Variants in FAN1 observed in about 807,000 individuals in gnomAD.
FAN1 encodes fanconi-associated nuclease 1.
In FAN1, 91 loss-of-function variants were observed where a neutral mutation model predicts 104.9. The observed-to-expected ratio is 0.87, with a 90% CI of 0.73 to 1.03. The LOEUF (loss-of-function observed/expected upper bound fraction) is 1.03, where lower values mean the gene tolerates loss of function less well. FAN1 is among the 50% of genes least tolerant of loss of function. The pLI is 0.00. For missense variants in FAN1, 1,263 were observed against 1,239.9 expected (o/e 1.02, Z -0.28); for synonymous variants, 478 against 457.6 (o/e 1.04, Z -0.57).
In FAN1 at chr15:30,922,358, C is replaced by G; in HGVS notation, c.2172+4C>G. 1 of 1,595,762 alleles carries G rather than the reference C, an allele frequency of 6.3e-7. No individual in the cohort carries two copies. Among genetic ancestry groups the G allele is most frequent in the Non-Finnish European group, 8.5e-7 (1 of 1,175,646 alleles). ...GCACTTGAAGCGCCTGGAACCGGTA[C>G]TCAGTAACAAAACATATCTGAAACA... On this transcript the variant is annotated splice_donor_region_variant and intron_variant, in intron 8 of 14. Transcript: ENST00000362065.
At chr15:30,921,063 C>T (rs923643257) in intron 7 of FAN1, among the ~76,000 whole-genome samples, 4 of 152,190 alleles carry the variant, frequency 2.6e-5, no homozygotes, top group Non-Finnish European at 4.4e-5. Flanking sequence ...CAGTGGGGGC[C>T]TAAAGTGTTG....
intron 4 of FAN1, among the ~76,000 whole-genome samples, chr15:30,912,154 C>T (rs1392849069): frequency 6.6e-6 from 1 of 151,814 alleles, no homozygotes; most frequent in Non-Finnish European, 1.5e-5. Flanking sequence ...TTATCTCTAA[C>T]TTTGGACTTG....
intron 9 of FAN1, 92 bp downstream of exon 9, chr15:30,925,383 GTT>G: frequency 8.1e-7 from 1 of 1,231,412 alleles, no homozygotes; most frequent in Non-Finnish European, 1.1e-6. Flanking sequence ...TTGAGTGTGT[GTT>G]TTCTTTTAGA....
At chr15:30,938,368 C>T (rs1450396681) in intron 14 of FAN1, among the ~76,000 whole-genome samples, 1 of 152,120 alleles carries the variant, frequency 6.6e-6, no homozygotes, top group African/African-American at 2.4e-5. Context: ...GGAATCAAAA[C>T]ATTCTCATGA....
chr15:30,906,619 A>G, intron 2 of FAN1: 1 of 433,190 alleles, frequency 2.3e-6, no homozygotes, highest in Non-Finnish European at 4.7e-6. Context: ...ACTGTCGTTT[A>G]GTAAAATGCG....
chr15:30,922,912 G>A (rs541505302), intron 8 of FAN1, among the ~76,000 whole-genome samples: 1 of 152,378 alleles, frequency 6.6e-6, no homozygotes, highest in African/African-American at 2.4e-5. Context: ...GCACTTGGAA[G>A]CACAGGGATT....
At chr15:30,916,202 G>A (rs538882256) in intron 5 of FAN1, among the ~76,000 whole-genome samples, 9 of 152,030 alleles carry the variant, frequency 5.9e-5, no homozygotes, top group East Asian at 5.8e-4. Context: ...CTGGCTTTAC[G>A]CTTTTCTGGC....
Position 30,937,814 on chromosome 15 carries a change from C to CATCT in FAN1, c.*3+558_*3+561dup, listed in dbSNP as rs1414468720. Among the ~76,000 whole-genome samples, 3 of 152,002 alleles carry CATCT rather than the reference C, an allele frequency of 2.0e-5. No individual in the cohort carries two copies. The East Asian group carries it at 5.8e-4, about 29-fold the overall frequency. On this transcript the variant is annotated intron_variant, in intron 14 of 14. Transcript: ENST00000362065. ...TGTTGACCATTATTGGAGCTGGATG[C>CATCT]ATCTATATGATTAGATGTGCAAAAA...
rs1267049596 is a variant in FAN1 at position 30,928,201 on chromosome 15, G to A, written c.2489-352G>A. ...TTCTGTGCCAGCCCAGCCCTGCTAA[G>A]TCCCAGCCTTGGGAACCTGAGGAGG... On this transcript the variant is annotated intron_variant, in intron 10 of 14. Transcript: ENST00000362065. The A allele has an allele frequency of 2.9e-6, 3 of 1,032,068 alleles. No individual in the cohort carries two copies. In the African/African-American group the frequency reaches 5.2e-5, roughly 18 times the overall value. The allele number at this position is 1,032,068 out of a possible 1,614,324, so 63.9% of individuals were successfully genotyped here. A position where few individuals can be genotyped will look rare whatever the true frequency, so the allele number is the denominator to read the frequency against.
At position 30,942,364 on chromosome 15, in the gene FAN1, C is replaced by CACTA. The variant is rs2063084010; in HGVS notation, c.*803_*806dup. On this transcript the variant is annotated 3_prime_UTR_variant, in exon 15 of 15. Coordinates refer to ENST00000362065, the MANE Select transcript of FAN1 (RefSeq NM_014967.5). ...AAGTTCTAAGACGGGCTAGAAAAAACACTAGACCTGGCCGATTCTATCAAG... is the reference window on the plus strand; with the variant it reads ...AAGTTCTAAGACGGGCTAGAAAAAACACTAACTAGACCTGGCCGATTCTATCAAG... 1 of 461,424 alleles carries CACTA rather than the reference C, an allele frequency of 2.2e-6. No individual in the cohort carries two copies. The highest frequency in any genetic ancestry group is 3.8e-5 in the East Asian group (1 of 26,176). 28.6% of individuals were successfully genotyped at this position (461,424 alleles called of 1,614,324 possible).
At chr15:30,917,578 G>T (rs149259306) in intron 5 of FAN1, among the ~76,000 whole-genome samples, 1 of 152,326 alleles carries the variant, frequency 6.6e-6, no homozygotes, top group East Asian at 1.9e-4. Context: ...TACTCAAAGT[G>T]TTAACAGAAT....
In FAN1 at chr15:30,905,675, G is replaced by A. The variant is rs1446583235; in HGVS notation, c.1012G>A (p.Glu338Lys). The A allele has an allele frequency of 6.2e-7, 1 of 1,614,122 alleles. No homozygotes were observed. Among genetic ancestry groups the A allele is most frequent in the Non-Finnish European group, 8.5e-7 (1 of 1,179,962 alleles). ...DDASAWSNIQ[E>K]APLQDDSCLN... is the part of the protein sequence containing the mutation. ...TGCTTCTGCATGGAGTAACATCCAA[G>A]AGGCTCCTCTGCAGGATGACAGTTG... Residue 338 changes from glutamate (E) to lysine (K), a missense_variant, in exon 2 of 15, where the codon GAG becomes AAG. Glu to Lys is a moderately conservative substitution (Grantham distance 56, BLOSUM62 1). Transcript: ENST00000362065.
intron 10 of FAN1, chr15:30,927,840 C>G (rs1210551329): frequency 1.0e-6 from 1 of 985,578 alleles, no homozygotes; most frequent in African/African-American, 1.7e-5. Flanking sequence ...CCAAGGCTGA[C>G]CCCCTCATCC....
intron 14 of FAN1, chr15:30,941,222 G>C (rs772107849): frequency 7.1e-7 from 1 of 1,402,250 alleles, no homozygotes; most frequent in Non-Finnish European, 9.4e-7. Context: ...CAGACAACAT[G>C]AACAGTTTGA....
rs1471860432 is a variant in FAN1, at chr15:30,941,909, C to T, written c.*347C>T. 5.6e-6 allele frequency: 9 copies of T among 1,614,016 alleles called. No homozygotes were observed. Among genetic ancestry groups the T allele is most frequent in the East Asian group, 2.2e-5 (1 of 44,890 alleles). On this transcript the variant is annotated 3_prime_UTR_variant, in exon 15 of 15. Transcript: ENST00000362065. ...GTTGGCGGGTTTGGAAAACCATTCT[C>T]TAAAATACTGCTCCGTATCACTGTT... is the stretch of plus-strand genomic sequence containing the variant.
intron 12 of FAN1, 92 bp from the exon 13 acceptor site, chr15:30,930,451 C>T: frequency 6.9e-7 from 1 of 1,449,904 alleles, no homozygotes; most frequent in South Asian, 1.4e-5. Flanking sequence ...ATTACATATA[C>T]ACTGAGCTTT....
At chr15:30,927,742 C>G in intron 10 of FAN1, 1 of 985,750 alleles carries the variant, frequency 1.0e-6, no homozygotes. Flanking sequence ...CCTCCTCTGT[C>G]GGGAGGGCTG....
At chr15:30,939,409 C>A in intron 14 of FAN1, 1 of 985,464 alleles carries the variant, frequency 1.0e-6, no homozygotes, top group Non-Finnish European at 1.2e-6. Context: ...CCACATGTCC[C>A]TCTGACGGCA....
intron 8 of FAN1, among the ~76,000 whole-genome samples, chr15:30,923,945 C>CGAGA (rs1253065696): frequency 1.3e-5 from 2 of 152,130 alleles, no homozygotes; most frequent in East Asian, 3.8e-4. Context: ...CATTGCCTCT[C>CGAGA]CACTTACCAC....
Sources: allele counts gnomAD v4.1 joint callset (sites outside exome capture counted in the v4.1 genomes callset), GRCh38; gene constraint gnomAD v4.1.1; transcripts MANE v1.5; gene names NCBI Gene and HGNC (gene_info 2026-07-23, HGNC 2026-07-21).